Variants in LRMDA observed in about 807,000 individuals in gnomAD.
LRMDA encodes the protein leucine rich melanocyte differentiation associated, also known as leucine-rich melanocyte differentiation-associated protein.
In LRMDA, 18 loss-of-function variants were observed where a neutral mutation model predicts 29.8. That is an observed-to-expected ratio of 0.60 (90% CI 0.42 to 0.90). The LOEUF (loss-of-function observed/expected upper bound fraction) is 0.90, where lower values mean the gene tolerates loss of function less well. Among genes scored for constraint, LRMDA ranks in the 40% least tolerant of loss-of-function variants. LRMDA has a pLI of 0.00. For missense variants in LRMDA, 273 were observed against 273.9 expected (o/e 1.00, Z 0.02); for synonymous variants, 125 against 109.4 (o/e 1.14, Z -0.89).
intron 2 of LRMDA, among the ~76,000 whole-genome samples, chr10:75,766,951 T>C (rs1043324645): frequency 3.3e-5 from 5 of 152,354 alleles, no homozygotes; most frequent in African/African-American, 1.2e-4. Context: ...GCTTCATCCA[T>C]GTCCCTTAAA....
At chr10:76,538,966 CA>C (rs1364788657) in intron 6 of LRMDA, among the ~76,000 whole-genome samples, 10 of 151,970 alleles carry the variant, frequency 6.6e-5, no homozygotes, top group African/African-American at 1.2e-4. Context: ...GAGTGAGTAG[CA>C]ATGATTATGC....
chr10:75,984,267 A>T (rs1206680289), intron 2 of LRMDA, among the ~76,000 whole-genome samples: 2 of 152,132 alleles, frequency 1.3e-5, no homozygotes, highest in African/African-American at 4.8e-5. Context: ...ATTCTTGGGG[A>T]TCTGTGCCCT....
intron 2 of LRMDA, among the ~76,000 whole-genome samples, chr10:75,985,567 T>C (rs1847248915): frequency 6.6e-6 from 1 of 152,216 alleles, no homozygotes; most frequent in Admixed American, 6.5e-5. Context: ...AGATTTCCTC[T>C]CACCAGCAGT....
At position 76,047,313 on chromosome 10, in the gene LRMDA, C is replaced by T. The variant is rs1848456795; in HGVS notation, c.398+10C>T. 6.2e-7 allele frequency: 1 copy of T among 1,601,550 alleles called. No homozygotes were observed. Among genetic ancestry groups the T allele is most frequent in the Admixed American group, 1.7e-5 (1 of 57,304 alleles). On this transcript the variant is annotated intron_variant, in intron 4 of 6. Transcript: ENST00000611255. ...ACTACAAGAGATACAGGTGAGTGTC[C>T]AGGGGTTGGACCATGGTGGGAAAAG...
At chr10:76,372,383 G>A (rs1484334592) in intron 6 of LRMDA, among the ~76,000 whole-genome samples, 1 of 152,000 alleles carries the variant, frequency 6.6e-6, no homozygotes, top group Admixed American at 6.6e-5. Context: ...GAGGCTGAGC[G>A]GGGCAGATCA....
At chr10:75,537,798 C>T (rs1450839238) in intron 2 of LRMDA, among the ~76,000 whole-genome samples, 1 of 152,180 alleles carries the variant, frequency 6.6e-6, no homozygotes, top group Admixed American at 6.5e-5. Flanking sequence ...TTTTTCCCCT[C>T]CTTTCTAGAG....
chr10:75,916,197 G>GTGT (rs1263543620), intron 2 of LRMDA, among the ~76,000 whole-genome samples: 10 of 101,166 alleles, frequency 9.9e-5, no homozygotes, highest in African/African-American at 2.8e-4. Flanking sequence ...TGTGTGTGTG[G>GTGT]GTGGGTGTGC....
intron 6 of LRMDA, among the ~76,000 whole-genome samples, chr10:76,381,429 C>A (rs536995665): frequency 1.2e-4 from 18 of 152,058 alleles, no homozygotes; most frequent in Non-Finnish European, 2.4e-4. Context: ...TGGCTGGGGA[C>A]TGAAACTTCT....
At chr10:75,866,186 G>C (rs994206158) in intron 2 of LRMDA, among the ~76,000 whole-genome samples, 4 of 152,220 alleles carry the variant, frequency 2.6e-5, no homozygotes, top group Non-Finnish European at 4.4e-5. Flanking sequence ...TGAGGGATCA[G>C]GATGGAAAGG....
At chr10:76,165,423 G>A (rs956368551) in intron 5 of LRMDA, among the ~76,000 whole-genome samples, 5 of 151,772 alleles carry the variant, frequency 3.3e-5, no homozygotes, top group African/African-American at 7.3e-5. Flanking sequence ...AGGCATGCAC[G>A]TCCATACCTG....
At chr10:75,711,554 C>A (rs1252003671) in intron 2 of LRMDA, among the ~76,000 whole-genome samples, 1 of 152,022 alleles carries the variant, frequency 6.6e-6, no homozygotes, top group Non-Finnish European at 1.5e-5. Flanking sequence ...TTTTATTGCT[C>A]ATATTTTAAA....
At chr10:76,126,438 T>G in intron 5 of LRMDA, among the ~76,000 whole-genome samples, 1 of 152,236 alleles carries the variant, frequency 6.6e-6, no homozygotes, top group East Asian at 1.9e-4. Flanking sequence ...AACCTGTGGC[T>G]GCAGGAATTA....
chr10:75,774,513 T>C (rs911977838), intron 2 of LRMDA, among the ~76,000 whole-genome samples: 10 of 152,162 alleles, frequency 6.6e-5, no homozygotes, highest in Admixed American at 6.5e-4. Flanking sequence ...TGTTAGATAT[T>C]TTAAGTTAAA....
At chr10:75,466,894 T>TA (rs1019508739) in intron 2 of LRMDA, among the ~76,000 whole-genome samples, 40 of 151,656 alleles carry the variant, frequency 2.6e-4, no homozygotes, top group African/African-American at 8.2e-4. Flanking sequence ...AAGAAAAAAT[T>TA]AAAAAAAACC....
At chr10:75,987,546 G>A (rs755577189) in intron 2 of LRMDA, among the ~76,000 whole-genome samples, 8 of 152,220 alleles carry the variant, frequency 5.3e-5, no homozygotes, top group Non-Finnish European at 1.2e-4. Flanking sequence ...TGTGAAGGTC[G>A]TGTGGATGAC....
chr10:76,085,163 C>T (rs1189798016), intron 5 of LRMDA, among the ~76,000 whole-genome samples: 1 of 152,144 alleles, frequency 6.6e-6, no homozygotes, highest in African/African-American at 2.4e-5. Flanking sequence ...GTATTACAAA[C>T]CCCACCAATG....
chr10:75,431,662 C>T lies in LRMDA; in HGVS notation c.-63C>T. On this transcript the variant is annotated 5_prime_UTR_variant, in exon 1 of 7. Coordinates refer to ENST00000611255, the MANE Select transcript of LRMDA (RefSeq NM_001305581.2). ...GCGCCCGCCGCGCTCCCCTGCCGCG[C>T]TCCCCGCTGCTGCCGCCGCGCCCCC... 1 of 1,236,660 alleles carries T rather than the reference C, an allele frequency of 8.1e-7. No individual in the cohort carries two copies. Among genetic ancestry groups the T allele is most frequent in the Non-Finnish European group, 1.0e-6 (1 of 993,626 alleles). The allele number at this position is 1,236,660 out of a possible 1,614,324, so 76.6% of individuals were successfully genotyped here.
intron 2 of LRMDA, among the ~76,000 whole-genome samples, chr10:75,698,255 C>T (rs1264237505): frequency 2.0e-5 from 3 of 152,068 alleles, no homozygotes; most frequent in African/African-American, 7.2e-5. Context: ...GGATTCCAAC[C>T]CCAGCTCCGA....
At chr10:76,419,642 AT>A (rs957182212) in intron 6 of LRMDA, among the ~76,000 whole-genome samples, 1 of 151,966 alleles carries the variant, frequency 6.6e-6, no homozygotes, top group African/African-American at 2.4e-5. Flanking sequence ...CTGCCAGATT[AT>A]TTTCCATAAT....
Sources: gnomAD v4.1 joint callset for allele counts (sites outside exome capture counted in the v4.1 genomes callset) on GRCh38, gnomAD v4.1.1 for gene constraint, MANE v1.5 for transcripts, NCBI Gene and HGNC (gene_info 2026-07-23, HGNC 2026-07-21) for gene names.